MAML3: variants seen among roughly 807,000 people sequenced by gnomAD.
MAML3 encodes mastermind-like protein 3.
MAML3 carries 27 observed loss-of-function variants against 101.9 expected under a neutral mutation model. That is an observed-to-expected ratio of 0.27 (90% CI 0.20 to 0.37). MAML3 has a LOEUF of 0.37. Among genes scored for constraint, MAML3 ranks in the 10% least tolerant of loss-of-function variants. The pLI, the probability that MAML3 is intolerant of heterozygous loss-of-function variation, is 1.00. For missense variants in MAML3, 1,316 were observed against 1,444.9 expected (o/e 0.91, Z 1.45); for synonymous variants, 501 against 555.9 (o/e 0.90, Z 1.39).
At chr4:139,737,885 G>T (rs1455207866) in intron 2 of MAML3, among the ~76,000 whole-genome samples, 1 of 152,182 alleles carries the variant, frequency 6.6e-6, no homozygotes, top group African/African-American at 2.4e-5. Context: ...TGGATTAAAA[G>T]GTTTGTTTTG....
At chr4:139,742,810 T>C (rs1456870347) in intron 2 of MAML3, among the ~76,000 whole-genome samples, 1 of 152,210 alleles carries the variant, frequency 6.6e-6, no homozygotes, top group East Asian at 1.9e-4. Context: ...GATGGGAAAC[T>C]TTTAGTGAGG....
At chr4:139,775,646 G>T (rs1235918790) in intron 2 of MAML3, among the ~76,000 whole-genome samples, 1 of 152,008 alleles carries the variant, frequency 6.6e-6, no homozygotes, top group Non-Finnish European at 1.5e-5. Flanking sequence ...TGGTTCGGGG[G>T]GCAGAATGAT....
intron 1 of MAML3, among the ~76,000 whole-genome samples, chr4:140,004,143 C>T (rs1726396783): frequency 1.3e-5 from 2 of 152,200 alleles, no homozygotes; most frequent in African/African-American, 4.8e-5. Context: ...GAACACCATA[C>T]CTGGCTATTT....
At chr4:140,000,301 A>G (rs1483160750) in intron 1 of MAML3, among the ~76,000 whole-genome samples, 1 of 152,120 alleles carries the variant, frequency 6.6e-6, no homozygotes, top group Admixed American at 6.5e-5. Context: ...AAAGCAGTAG[A>G]AGATCCATAA....
At chr4:139,780,547 G>T (rs539170049) in intron 2 of MAML3, among the ~76,000 whole-genome samples, 1 of 151,868 alleles carries the variant, frequency 6.6e-6, no homozygotes, top group South Asian at 2.1e-4. Context: ...TGTTTCTCCT[G>T]AGTAATCCTT....
intron 1 of MAML3, among the ~76,000 whole-genome samples, chr4:140,061,718 C>T (rs943330045): frequency 5.3e-5 from 8 of 152,146 alleles, no homozygotes; most frequent in African/African-American, 1.4e-4. Flanking sequence ...CTCTCAGAAG[C>T]GGTCACCTTA....
At chr4:139,764,227 C>T (rs943410684) in intron 2 of MAML3, among the ~76,000 whole-genome samples, 1 of 152,220 alleles carries the variant, frequency 6.6e-6, no homozygotes, top group Non-Finnish European at 1.5e-5. Flanking sequence ...GACGAGCAAA[C>T]CTTTTCCATC....
At chr4:140,023,108 T>G (rs765888635) in intron 1 of MAML3, among the ~76,000 whole-genome samples, 10 of 152,212 alleles carry the variant, frequency 6.6e-5, no homozygotes, top group Non-Finnish European at 1.3e-4. Context: ...TTCCCAAGCC[T>G]TTTGACCATA....
At chr4:140,078,016 C>T (rs928441790) in intron 1 of MAML3, among the ~76,000 whole-genome samples, 2 of 6,248 alleles carry the variant, frequency 3.2e-4, no homozygotes, top group Non-Finnish European at 2.0e-3. Context: ...GACTCCGTCT[C>T]AAATAAATAA....
chr4:139,985,414 T>C (rs545695898), intron 1 of MAML3, among the ~76,000 whole-genome samples: 1 of 152,312 alleles, frequency 6.6e-6, no homozygotes, highest in African/African-American at 2.4e-5. Flanking sequence ...GTACATCACA[T>C]GTTGGCCAAT....
intron 2 of MAML3, among the ~76,000 whole-genome samples, chr4:139,815,300 T>C (rs1439044892): frequency 6.6e-6 from 1 of 152,206 alleles, no homozygotes; most frequent in Non-Finnish European, 1.5e-5. Context: ...TCATTTCTCT[T>C]ACAACAGGTA....
At chr4:139,820,851 C>T (rs976835728) in intron 2 of MAML3, among the ~76,000 whole-genome samples, 9 of 152,174 alleles carry the variant, frequency 5.9e-5, no homozygotes, top group African/African-American at 2.2e-4. Context: ...CATCCTTATA[C>T]ATATATTTTT....
chr4:139,794,530 G>A (rs1730477747), intron 2 of MAML3: 1 of 152,226 alleles, frequency 6.6e-6, no homozygotes, highest in South Asian at 2.1e-4. Flanking sequence ...TAAGCACACT[G>A]TTATTCCTAA....
chr4:139,922,536 A>C (rs1655375006), intron 1 of MAML3, among the ~76,000 whole-genome samples: 1 of 152,206 alleles, frequency 6.6e-6, no homozygotes, highest in East Asian at 1.9e-4. Context: ...CAGGGGAATT[A>C]GACATACGAT....
intron 2 of MAML3, among the ~76,000 whole-genome samples, chr4:139,865,442 T>A (rs969641674): frequency 6.6e-6 from 1 of 151,400 alleles, no homozygotes; most frequent in Admixed American, 6.6e-5. Flanking sequence ...GCCTTTCATA[T>A]CCCTTGTCCC....
intron 1 of MAML3, among the ~76,000 whole-genome samples, chr4:139,892,477 T>C (rs755693637): frequency 2.6e-5 from 4 of 152,106 alleles, no homozygotes; most frequent in Non-Finnish European, 5.9e-5. Context: ...TATCTCTTAC[T>C]AGATTGTTGC....
chr4:139,724,749 T>C (rs1043658337), intron 4 of MAML3, among the ~76,000 whole-genome samples: 1 of 150,856 alleles, frequency 6.6e-6, no homozygotes, highest in African/African-American at 2.4e-5. Context: ...GCTATTTTCT[T>C]CACCCCATAT....
intron 1 of MAML3, among the ~76,000 whole-genome samples, chr4:139,979,933 G>C (rs914588601): frequency 6.6e-6 from 1 of 152,220 alleles, no homozygotes; most frequent in Admixed American, 6.5e-5. Context: ...CCAATAGTAA[G>C]TAGGAATATC....
chr4:139,999,218 C>T (rs1181248978), intron 1 of MAML3, among the ~76,000 whole-genome samples: 2 of 152,194 alleles, frequency 1.3e-5, no homozygotes, highest in Non-Finnish European at 2.9e-5. Context: ...AGCCCACTGG[C>T]CATACCCAAC....
Sources: allele counts gnomAD v4.1 joint callset (sites outside exome capture counted in the v4.1 genomes callset), GRCh38; gene constraint gnomAD v4.1.1; transcripts MANE v1.5; gene names NCBI Gene and HGNC (gene_info 2026-07-23, HGNC 2026-07-21).